RAPGEF2: variants seen among roughly 807,000 people sequenced by gnomAD.
RAPGEF2 encodes Rap guanine nucleotide exchange factor 2.
Under a neutral mutation model 186.7 loss-of-function variants are expected in RAPGEF2, and 54 were observed. The ratio of observed to expected loss-of-function variants is 0.29; its 90% CI spans 0.23 to 0.36. The LOEUF is 0.36. Among genes scored for constraint, RAPGEF2 ranks in the 10% least tolerant of loss-of-function variants. RAPGEF2 has a pLI of 1.00. For synonymous variants in RAPGEF2, 712 were observed against 705.9 expected, an observed-to-expected ratio of 1.01 and a Z score of -0.14; for missense variants, 1,532 against 2,045.0, an observed-to-expected ratio of 0.75 and a Z score of 4.84.
intron 7 of RAPGEF2, among the ~76,000 whole-genome samples, chr4:159,274,494 T>C (rs1758582285): frequency 6.6e-6 from 1 of 152,238 alleles, no homozygotes; most frequent in East Asian, 1.9e-4. Flanking sequence ...TATAAAAATA[T>C]ATACGTGTGC....
chr4:159,222,789 G>A (rs942250579), intron 4 of RAPGEF2, among the ~76,000 whole-genome samples: 2 of 152,074 alleles, frequency 1.3e-5, no homozygotes, highest in African/African-American at 4.8e-5. Context: ...AATAACAAGA[G>A]TAAGAATATG....
At chr4:159,128,428 A>G (rs1379074263) in intron 1 of RAPGEF2, among the ~76,000 whole-genome samples, 1 of 152,160 alleles carries the variant, frequency 6.6e-6, no homozygotes, top group Non-Finnish European at 1.5e-5. Flanking sequence ...GGAAAAGTCT[A>G]CATGAATGTA....
intron 7 of RAPGEF2, among the ~76,000 whole-genome samples, chr4:159,273,679 T>A (rs1344592728): frequency 6.6e-6 from 1 of 150,590 alleles, no homozygotes; most frequent in Non-Finnish European, 1.5e-5. Flanking sequence ...TCTTTCTTTC[T>A]TTCTTTCTTT....
At chr4:159,295,765 G>GCA (rs1189738357) in intron 7 of RAPGEF2, among the ~76,000 whole-genome samples, 9 of 126,434 alleles carry the variant, frequency 7.1e-5, no homozygotes, top group African/African-American at 2.5e-4. Flanking sequence ...GCGCGCGCGC[G>GCA]CGCGCGCGCA....
At chr4:159,349,045 A>G (rs540978679) in intron 25 of RAPGEF2, among the ~76,000 whole-genome samples, 2 of 152,266 alleles carry the variant, frequency 1.3e-5, no homozygotes, top group East Asian at 3.9e-4. Context: ...TCCATCCAAC[A>G]TGGTTTGAAA....
At chr4:159,230,810 A>G (rs1217299096) in intron 4 of RAPGEF2, among the ~76,000 whole-genome samples, 1 of 152,166 alleles carries the variant, frequency 6.6e-6, no homozygotes, top group Non-Finnish European at 1.5e-5. Flanking sequence ...TCATTGGGTT[A>G]TAGCTGTTTG....
intron 7 of RAPGEF2, chr4:159,268,045 T>TC (rs947749933): frequency 1.4e-6 from 2 of 1,459,906 alleles, no homozygotes; most frequent in Non-Finnish European, 1.8e-6. Context: ...TTTTCCCTCC[T>TC]CCCTTTTTTT....
At chr4:159,228,672 T>C (rs751963567) in intron 4 of RAPGEF2, among the ~76,000 whole-genome samples, 1 of 152,302 alleles carries the variant, frequency 6.6e-6, no homozygotes, top group East Asian at 1.9e-4. Context: ...ACTTCTGAAA[T>C]AGAAGCCGGT....
chr4:159,133,123 G>T (rs1741291832), intron 1 of RAPGEF2, among the ~76,000 whole-genome samples: 1 of 151,940 alleles, frequency 6.6e-6, no homozygotes, highest in Non-Finnish European at 1.5e-5. Flanking sequence ...TTAATGTAAA[G>T]TATAGTTTGG....
rs368106360 is a variant in RAPGEF2 at position 159,268,591 on chromosome 4, CTA to C, written c.543+24803_543+24804del. 4.4e-3 allele frequency among the ~76,000 whole-genome samples: 663 copies of C among 152,232 alleles called. 12 individuals are homozygous for C. The highest frequency in any genetic ancestry group is 0.015 in the African/African-American group (630 of 41,542). On this transcript the variant is annotated intron_variant, in intron 7 of 29. Transcript: ENST00000691494. ...CAGAAAGGTTATTGAGAACGGGAAT[CTA>C]TAGTGAGGAATTCGCATGTAGGTTT...
rs1307472815 is a variant in RAPGEF2 at position 159,358,012 on chromosome 4, CTA to C, written c.4958-100_4958-99del. On this transcript the variant is annotated intron_variant, in intron 29 of 29. Coordinates refer to ENST00000691494, the MANE Select transcript of RAPGEF2 (RefSeq NM_001394067.2). ...AAGTGAGCTATACTAAAAAGAATAACTATGATAGTTTTATTTAGCACATCAGT... is the reference window on the plus strand; with the variant it reads ...AAGTGAGCTATACTAAAAAGAATAACTGATAGTTTTATTTAGCACATCAGT... 33 of 1,174,912 alleles carry C rather than the reference CTA, an allele frequency of 2.8e-5. No individual in the cohort carries two copies. In the Admixed American group the frequency reaches 5.8e-4, roughly 21 times the overall value. The allele number at this position is 1,174,912 out of a possible 1,614,324, so 72.8% of individuals were successfully genotyped here.
At chr4:159,256,426 G>A (rs574531530) in intron 7 of RAPGEF2, among the ~76,000 whole-genome samples, 2 of 152,198 alleles carry the variant, frequency 1.3e-5, no homozygotes, top group South Asian at 2.1e-4. Context: ...TATGTATCAA[G>A]TTTTCTTTAT....
chr4:159,342,448 T>C (rs73859133), intron 20 of RAPGEF2, among the ~76,000 whole-genome samples: 146 of 151,882 alleles, frequency 9.6e-4, no homozygotes, highest in African/African-American at 3.1e-3. Flanking sequence ...CAATTAGTTA[T>C]ATTGATGTTG....
At chr4:159,183,241 G>A (rs1252862902) in intron 1 of RAPGEF2, among the ~76,000 whole-genome samples, 2 of 152,198 alleles carry the variant, frequency 1.3e-5, no homozygotes, top group African/African-American at 4.8e-5. Context: ...CAGTGGAATA[G>A]AGTTGAGAGT....
chr4:159,232,765 A>C (rs1293077348), intron 4 of RAPGEF2, among the ~76,000 whole-genome samples: 1 of 152,168 alleles, frequency 6.6e-6, no homozygotes, highest in African/African-American at 2.4e-5. Context: ...ACAGGGTTCC[A>C]AGTCCTCCAC....
chr4:159,290,322 A>T (rs1405872696), intron 7 of RAPGEF2, among the ~76,000 whole-genome samples: 2 of 152,100 alleles, frequency 1.3e-5, no homozygotes, highest in African/African-American at 2.4e-5. Context: ...TTTTCAAAGT[A>T]TTCCTGCTTT....
At chr4:159,208,892 T>C (rs1443043198) in intron 3 of RAPGEF2, among the ~76,000 whole-genome samples, 2 of 151,894 alleles carry the variant, frequency 1.3e-5, no homozygotes, top group Non-Finnish European at 2.9e-5. Context: ...TCTCACAATT[T>C]TTTTTTTTGT....
chr4:159,168,849 T>A (rs1215786458), intron 1 of RAPGEF2, among the ~76,000 whole-genome samples: 1 of 152,180 alleles, frequency 6.6e-6, no homozygotes, highest in Non-Finnish European at 1.5e-5. Context: ...GAGAAGAATA[T>A]ATGTGATAGG....
chr4:159,116,008 A>G (rs906794786), intron 1 of RAPGEF2, among the ~76,000 whole-genome samples: 2 of 152,222 alleles, frequency 1.3e-5, no homozygotes, highest in Admixed American at 1.3e-4. Context: ...AGGCAATACC[A>G]TTCAGGACAT....
Sources: allele counts gnomAD v4.1 joint callset (sites outside exome capture counted in the v4.1 genomes callset), GRCh38; gene constraint gnomAD v4.1.1; transcripts MANE v1.5; gene names NCBI Gene and HGNC (gene_info 2026-07-23, HGNC 2026-07-21).